Variants in ZNF704 observed in about 807,000 individuals in gnomAD.
ZNF704 encodes the protein glucocorticoid induced gene 1.
A neutral mutation model predicts 44.7 loss-of-function variants in ZNF704; 10 were observed. That is an observed-to-expected ratio of 0.22 (90% confidence interval 0.14 to 0.38). The LOEUF is 0.38. Ranked by LOEUF, ZNF704 falls within the 10% of genes least tolerant of loss-of-function variation. The pLI, the probability that ZNF704 is intolerant of heterozygous loss-of-function variation, is 1.00. For synonymous variants in ZNF704, 211 were observed against 207.6 expected, an observed-to-expected ratio of 1.02 and a Z score of -0.14; for missense variants, 390 against 545.5, an observed-to-expected ratio of 0.71 and a Z score of 2.84.
chr8:80,747,130 T>C (rs1259415904), intron 2 of ZNF704, among the ~76,000 whole-genome samples: 2 of 152,078 alleles, frequency 1.3e-5, no homozygotes, highest in African/African-American at 4.8e-5. Flanking sequence ...GGTACTTGAA[T>C]AAATTGTTTT....
In ZNF704 at chr8:80,857,553, A is replaced by C. The variant is rs149404836; in HGVS notation, c.-22+17018T>G. 9.2e-5 allele frequency among the ~76,000 whole-genome samples: 14 copies of C among 152,260 alleles called. No homozygotes were observed. In the East Asian group the frequency reaches 2.7e-3, roughly 29 times the overall value. ...TTACACCATTTGATTTTTAGTATTT[A>C]CACTTTACATTCCTAGGAGAAGAAA... On this transcript the variant is annotated intron_variant, in intron 1 of 8. Transcript: ENST00000327835.
At chr8:80,725,338 T>A (rs897356389) in intron 2 of ZNF704, among the ~76,000 whole-genome samples, 1 of 152,142 alleles carries the variant, frequency 6.6e-6, no homozygotes, top group Non-Finnish European at 1.5e-5. Context: ...TATAAGTATA[T>A]CCCATACAAT....
intron 1 of ZNF704, among the ~76,000 whole-genome samples, chr8:80,853,449 G>T (rs17566199): frequency 0.017 from 2,643 of 152,060 alleles, 41 homozygotes; most frequent in Non-Finnish European, 0.027. Context: ...ACTTTAAAAT[G>T]TTCTACAAGT....
At chr8:80,646,444 C>T (rs1019780082) in intron 7 of ZNF704, among the ~76,000 whole-genome samples, 1 of 149,726 alleles carries the variant, frequency 6.7e-6, no homozygotes, top group East Asian at 2.0e-4. Context: ...CCGTTGCACT[C>T]TAGCCTGGGC....
intron 1 of ZNF704, among the ~76,000 whole-genome samples, chr8:80,830,040 T>TTCATATCA (rs1306278751): frequency 6.6e-6 from 1 of 152,206 alleles, no homozygotes; most frequent in Non-Finnish European, 1.5e-5. Flanking sequence ...TTCTTTTTAA[T>TTCATATCA]GTCTTTTATT....
At chr8:80,700,715 C>A (rs1473208073) in intron 2 of ZNF704, among the ~76,000 whole-genome samples, 1 of 152,168 alleles carries the variant, frequency 6.6e-6, no homozygotes, top group Non-Finnish European at 1.5e-5. Flanking sequence ...AAAATGTTAA[C>A]AATTGTTGAA....
intron 2 of ZNF704, among the ~76,000 whole-genome samples, chr8:80,737,793 AT>A (rs1414057084): frequency 6.6e-6 from 1 of 152,084 alleles, no homozygotes; most frequent in African/African-American, 2.4e-5. Flanking sequence ...TTTTCTTAAT[AT>A]TATCTTATGT....
chr8:80,716,270 C>T (rs1243337437), intron 2 of ZNF704, among the ~76,000 whole-genome samples: 2 of 152,166 alleles, frequency 1.3e-5, no homozygotes, highest in Admixed American at 1.3e-4. Context: ...TGGGAGTTAA[C>T]TTCAAAGGCC....
At chr8:80,685,007 G>A (rs957842861) in intron 4 of ZNF704, among the ~76,000 whole-genome samples, 8 of 151,892 alleles carry the variant, frequency 5.3e-5, no homozygotes, top group Admixed American at 1.3e-4. Context: ...TCTCGGCTTG[G>A]GGACATCTAA....
intron 4 of ZNF704, among the ~76,000 whole-genome samples, chr8:80,681,764 G>A (rs911198207): frequency 2.1e-4 from 32 of 152,122 alleles, no homozygotes; most frequent in Admixed American, 1.8e-3. Flanking sequence ...CTTTGGGGAC[G>A]TCTGGACATT....
At chr8:80,737,486 T>G (rs1449654326) in intron 2 of ZNF704, among the ~76,000 whole-genome samples, 1 of 152,170 alleles carries the variant, frequency 6.6e-6, no homozygotes, top group Non-Finnish European at 1.5e-5. Context: ...GCAGCTGGCT[T>G]CCTCCAGAGC....
At chr8:80,856,523 T>G (rs1338587153) in intron 1 of ZNF704, among the ~76,000 whole-genome samples, 1 of 152,230 alleles carries the variant, frequency 6.6e-6, no homozygotes, top group African/African-American at 2.4e-5. Context: ...TATGATCCAT[T>G]TTTAAATAAT....
At chr8:80,740,089 C>G (rs904045165) in intron 2 of ZNF704, among the ~76,000 whole-genome samples, 37 of 152,206 alleles carry the variant, frequency 2.4e-4, no homozygotes, top group African/African-American at 8.9e-4. Flanking sequence ...TCCTCCAGAT[C>G]TGTCACTATC....
chr8:80,739,496 C>T (rs1806720535), intron 2 of ZNF704, among the ~76,000 whole-genome samples: 1 of 152,200 alleles, frequency 6.6e-6, no homozygotes. Flanking sequence ...CTCAGGGAGG[C>T]TTGGCAAAGT....
At chr8:80,668,654 C>G (rs1010960719) in intron 5 of ZNF704, among the ~76,000 whole-genome samples, 2 of 152,170 alleles carry the variant, frequency 1.3e-5, no homozygotes, top group Middle Eastern at 3.2e-3. Flanking sequence ...CCCTGGTGTA[C>G]AAGAATGGAG....
At chr8:80,684,326 A>G (rs1818499914) in intron 4 of ZNF704, among the ~76,000 whole-genome samples, 1 of 152,244 alleles carries the variant, frequency 6.6e-6, no homozygotes. Flanking sequence ...TATACACTGA[A>G]ACAAAATTGT....
chr8:80,851,336 A>G (rs1329540673), intron 1 of ZNF704, among the ~76,000 whole-genome samples: 1 of 152,136 alleles, frequency 6.6e-6, no homozygotes, highest in Non-Finnish European at 1.5e-5. Flanking sequence ...GTCCAACAAC[A>G]ATAGACTGGA....
At chr8:80,681,638 G>T (rs779786527) in intron 4 of ZNF704, among the ~76,000 whole-genome samples, 1 of 152,092 alleles carries the variant, frequency 6.6e-6, no homozygotes, top group Non-Finnish European at 1.5e-5. Flanking sequence ...TAATAAAGTT[G>T]ATTTTAAATG....
Position 80,851,832 on chromosome 8 carries a change from G to T in ZNF704, c.-22+22739C>A, listed in dbSNP as rs532428820. 4.3e-4 allele frequency among the ~76,000 whole-genome samples: 65 copies of T among 152,312 alleles called. No homozygotes were observed. The East Asian group carries it at 0.01, about 24-fold the overall frequency. On this transcript the variant is annotated intron_variant, in intron 1 of 8. Coordinates refer to ENST00000327835, the MANE Select transcript of ZNF704 (RefSeq NM_001033723.3). ...CATTGTTATGTGGTTCCTGACTGCA[G>T]TTTTTGAAAAATAAGGACACATCTA...
Sources: gnomAD v4.1 joint callset for allele counts (sites outside exome capture counted in the v4.1 genomes callset) on GRCh38, gnomAD v4.1.1 for gene constraint, MANE v1.5 for transcripts, NCBI Gene and HGNC (gene_info 2026-07-23, HGNC 2026-07-21) for gene names.